The following SLC6A15 variants were observed in gnomAD, a reference collection of about 807,000 sequenced individuals.
The protein encoded by SLC6A15 is solute carrier family 6 member 15.
SLC6A15 carries 33 observed loss-of-function variants against 68.5 expected under a neutral mutation model. The observed-to-expected ratio is 0.48, with a 90% CI of 0.37 to 0.64. The LOEUF (loss-of-function observed/expected upper bound fraction) is 0.64, where lower values mean the gene tolerates loss of function less well. Ranked by LOEUF, SLC6A15 falls within the 30% of genes least tolerant of loss-of-function variation. The probability of loss-of-function intolerance (pLI) is 0.00; values close to 1 mark genes in which losing one functional copy is unlikely to be tolerated. For synonymous variants in SLC6A15, 347 were observed against 301.0 expected, an observed-to-expected ratio of 1.15 and a Z score of -1.58; for missense variants, 747 against 874.3, an observed-to-expected ratio of 0.85 and a Z score of 1.84.
rs550539196 is a variant in SLC6A15 at position 84,866,869 on chromosome 12, A to T, written c.1655+165T>A. 2.1e-3 allele frequency among the ~76,000 whole-genome samples: 316 copies of T among 152,308 alleles called. 2 individuals carry two copies. Among genetic ancestry groups the T allele is most frequent in the Non-Finnish European group, 2.8e-3 (188 of 68,014 alleles). ...TTCTATTTGCCCAACAGGGAAATGT[A>T]ATTTACCAAAACTGTTGAATCAGTG... is the stretch of plus-strand genomic sequence containing the variant. On this transcript the variant is annotated intron_variant, in intron 10 of 11. Coordinates refer to ENST00000266682, the MANE Select transcript of SLC6A15 (RefSeq NM_182767.6).
In SLC6A15 at chr12:84,872,625, T is replaced by C. The variant is rs1050087772; in HGVS notation, c.1279A>G (p.Lys427Glu). 6.2e-7 allele frequency: 1 copy of C among 1,607,830 alleles called. No individual in the cohort carries two copies. The highest frequency in any genetic ancestry group is 8.5e-7 in the Non-Finnish European group (1 of 1,178,656). Residue 427 changes from lysine (K) to glutamate (E), a missense_variant, in exon 8 of 12, where the codon AAA becomes GAA. Lys to Glu is a moderately conservative substitution (Grantham distance 56, BLOSUM62 1). Transcript: ENST00000266682. Reference sequence around the variant, plus strand: ...ACTTTATTTAGCTCTTCTTCAATTTTACAGGAATTGAGATGAAGAGCAGGA... The same window carrying C: ...ACTTTATTTAGCTCTTCTTCAATTTCACAGGAATTGAGATGAAGAGCAGGA... ...EFPALHLNSCKIEEELNKAVQ... is the reference protein window; with the variant it reads ...EFPALHLNSCEIEEELNKAVQ...
chr12:84,890,819 G>A (rs913305832), intron 2 of SLC6A15, among the ~76,000 whole-genome samples: 2 of 152,070 alleles, frequency 1.3e-5, no homozygotes, highest in South Asian at 2.1e-4. Context: ...CCATATTTTT[G>A]TCCAGTCAAT....
chr12:84,896,928 C>T (rs1393420974), intron 1 of SLC6A15, among the ~76,000 whole-genome samples: 1 of 152,130 alleles, frequency 6.6e-6, no homozygotes, highest in Non-Finnish European at 1.5e-5. Flanking sequence ...TGGTGGCTCA[C>T]GCCTGTAAAC....
intron 2 of SLC6A15, among the ~76,000 whole-genome samples, chr12:84,891,215 G>A (rs1049921666): frequency 2.6e-5 from 4 of 152,094 alleles, no homozygotes; most frequent in African/African-American, 9.7e-5. Flanking sequence ...CTTTAAAGTT[G>A]TCTTTGAAAT....
chr12:84,861,681 C>A lies in SLC6A15; in HGVS notation c.2144G>T (p.Gly715Val). ...DTAPNGRYGI[G>V]YLMADIMPDM... ...TGGCATAATATCTGCCATCAAGTAC[C>A]CTATTCCATACCGTCCATTGGGAGC... Residue 715 changes from glycine (G) to valine (V), a missense_variant, in exon 12 of 12, where the codon GGG (glycine) becomes GTG (valine). Transcript: ENST00000266682. The A allele has an allele frequency of 6.2e-7, 1 of 1,613,230 alleles. No individual in the cohort carries two copies. The highest frequency in any genetic ancestry group is 8.5e-7 in the Non-Finnish European group (1 of 1,179,412).
intron 5 of SLC6A15, chr12:84,883,220 T>C (rs1871910537): frequency 1.0e-6 from 1 of 984,926 alleles, no homozygotes; most frequent in Non-Finnish European, 1.2e-6. Flanking sequence ...GAGCGTCCTT[T>C]AAAAATAATA....
intron 5 of SLC6A15, among the ~76,000 whole-genome samples, chr12:84,879,643 G>A (rs139689880): frequency 2.2e-4 from 34 of 151,982 alleles, no homozygotes; most frequent in Non-Finnish European, 2.1e-4. Context: ...CACTTTGTAT[G>A]TGCTTCTGTT....
At chr12:84,873,894 T>C (rs1375987643) in intron 6 of SLC6A15, among the ~76,000 whole-genome samples, 2 of 152,232 alleles carry the variant, frequency 1.3e-5, no homozygotes, top group Admixed American at 1.3e-4. Flanking sequence ...AATTCACCTA[T>C]ATTGTCTATA....
intron 1 of SLC6A15, among the ~76,000 whole-genome samples, chr12:84,906,502 G>A (rs1445818144): frequency 6.6e-6 from 1 of 152,146 alleles, no homozygotes; most frequent in Non-Finnish European, 1.5e-5. Flanking sequence ...AGAATGAAGT[G>A]GGAGGAATGA....
intron 1 of SLC6A15, among the ~76,000 whole-genome samples, chr12:84,902,650 C>T (rs938817895): frequency 6.6e-6 from 1 of 151,848 alleles, no homozygotes; most frequent in African/African-American, 2.4e-5. Context: ...GCACCATGAA[C>T]CACTACTCAG....
At chr12:84,894,142 T>C (rs982148302) in intron 1 of SLC6A15, among the ~76,000 whole-genome samples, 6 of 152,186 alleles carry the variant, frequency 3.9e-5, no homozygotes, top group African/African-American at 1.4e-4. Context: ...TAAATATTAG[T>C]TGAATACATT....
At chr12:84,877,399 T>C (rs183132069) in intron 5 of SLC6A15, among the ~76,000 whole-genome samples, 1 of 152,340 alleles carries the variant, frequency 6.6e-6, no homozygotes, top group African/African-American at 2.4e-5. Context: ...CCTTGGTTTA[T>C]GTCATACCCT....
intron 1 of SLC6A15, among the ~76,000 whole-genome samples, chr12:84,904,607 T>G (rs1873053474): frequency 6.6e-6 from 1 of 152,220 alleles, no homozygotes; most frequent in Admixed American, 6.5e-5. Context: ...TTTAGGTTTT[T>G]AAATACACAC....
intron 10 of SLC6A15, among the ~76,000 whole-genome samples, chr12:84,864,445 G>A (rs998002168): frequency 2.0e-5 from 3 of 150,384 alleles, no homozygotes; most frequent in South Asian, 2.1e-4. Flanking sequence ...TCAGCCTCCC[G>A]AGTAGCTGGG....
chr12:84,883,361 C>T (rs1288019332), intron 5 of SLC6A15: 1 of 993,146 alleles, frequency 1.0e-6, no homozygotes, highest in Admixed American at 5.8e-5. Context: ...TTATTATTAA[C>T]TACTTAATGA....
intron 1 of SLC6A15, among the ~76,000 whole-genome samples, chr12:84,911,398 G>C (rs1425788229): frequency 6.6e-6 from 1 of 152,170 alleles, no homozygotes; most frequent in East Asian, 1.9e-4. Flanking sequence ...AGACTTATTT[G>C]CATAAGCACC....
rs917156988 is a variant in SLC6A15, at chr12:84,898,482, G to C, written c.-188-6174C>G. Among the ~76,000 whole-genome samples the C allele has an allele frequency of 1.3e-5, 2 of 152,172 alleles. 1 individual carries two copies. The highest frequency in any genetic ancestry group is 2.9e-5 in the Non-Finnish European group (2 of 68,036). ...AATACGTTTTGATGTGAAAAGACATGTATTGGTCCCAAATATTTATACATA... is the reference window on the plus strand; with the variant it reads ...AATACGTTTTGATGTGAAAAGACATCTATTGGTCCCAAATATTTATACATA... On this transcript the variant is annotated intron_variant, in intron 1 of 11. Transcript: ENST00000266682.
intron 9 of SLC6A15, among the ~76,000 whole-genome samples, chr12:84,869,443 C>T (rs1227299199): frequency 6.6e-5 from 8 of 121,110 alleles, no homozygotes; most frequent in African/African-American, 2.6e-4. Context: ...CCAGCCTGGG[C>T]GACAGAGCAA....
At chr12:84,877,739 T>A (rs1430298177) in intron 5 of SLC6A15, among the ~76,000 whole-genome samples, 3 of 152,188 alleles carry the variant, frequency 2.0e-5, no homozygotes, top group Non-Finnish European at 4.4e-5. Context: ...TTCTCTCCCA[T>A]CTGCCCCCTG....
Sources: gnomAD v4.1 joint callset for allele counts (sites outside exome capture counted in the v4.1 genomes callset) on GRCh38, gnomAD v4.1.1 for gene constraint, MANE v1.5 for transcripts, NCBI Gene and HGNC (gene_info 2026-07-23, HGNC 2026-07-21) for gene names.